Variants in NRXN3 observed in about 807,000 individuals in gnomAD.
The protein encoded by NRXN3 is neurexin III.
Under a neutral mutation model 137.6 loss-of-function variants are expected in NRXN3, and 32 were observed. That is an observed-to-expected ratio of 0.23 (90% CI 0.18 to 0.31). NRXN3 has a LOEUF of 0.31. Among genes scored for constraint, NRXN3 ranks in the 10% least tolerant of loss-of-function variants. The pLI, the probability that NRXN3 is intolerant of heterozygous loss-of-function variation, is 1.00. For missense variants in NRXN3, 1,574 were observed against 2,062.5 expected, an observed-to-expected ratio of 0.76 and a Z score of 4.59; for synonymous variants, 798 against 784.5, an observed-to-expected ratio of 1.02 and a Z score of -0.29.
intron 16 of NRXN3, among the ~76,000 whole-genome samples, chr14:79,663,183 G>A (rs2098542366): frequency 6.6e-6 from 1 of 151,892 alleles, no homozygotes; most frequent in Non-Finnish European, 1.5e-5. Context: ...GGCCTCTACT[G>A]GGGTTACCTT....
chr14:78,406,374 G>A (rs1408792325), intron 4 of NRXN3, among the ~76,000 whole-genome samples: 2 of 152,166 alleles, frequency 1.3e-5, no homozygotes, highest in Non-Finnish European at 2.9e-5. Flanking sequence ...GGATGACTGC[G>A]GGAGTTTCAG....
At chr14:79,525,986 A>G (rs573539053) in intron 16 of NRXN3, among the ~76,000 whole-genome samples, 6 of 152,242 alleles carry the variant, frequency 3.9e-5, no homozygotes, top group Non-Finnish European at 7.4e-5. Flanking sequence ...GGCTCAAGGG[A>G]TCCTCTCAAC....
intron 4 of NRXN3, among the ~76,000 whole-genome samples, chr14:78,451,889 A>G (rs918154116): frequency 1.1e-4 from 16 of 152,174 alleles, no homozygotes; most frequent in African/African-American, 3.9e-4. Flanking sequence ...TCAAGTGGAC[A>G]TTTTTCTCAA....
chr14:78,573,871 A>G (rs533734724), intron 4 of NRXN3, among the ~76,000 whole-genome samples: 4 of 152,210 alleles, frequency 2.6e-5, no homozygotes, highest in Non-Finnish European at 5.9e-5. Flanking sequence ...AGTGGGGAAA[A>G]CGTATCCAAG....
chr14:79,540,791 A>C (rs1287528540), intron 16 of NRXN3, among the ~76,000 whole-genome samples: 1 of 152,210 alleles, frequency 6.6e-6, no homozygotes, highest in Non-Finnish European at 1.5e-5. Flanking sequence ...GGAGAAAAAA[A>C]CATTTCTGGC....
At chr14:78,745,350 G>T in intron 8 of NRXN3, 1 of 152,462 alleles carries the variant, frequency 6.6e-6, no homozygotes, top group Non-Finnish European at 1.5e-5. Context: ...CATCAAAGTT[G>T]ACTTCAGTGA....
At chr14:79,124,374 A>G (rs2056029425) in intron 15 of NRXN3, among the ~76,000 whole-genome samples, 1 of 152,192 alleles carries the variant, frequency 6.6e-6, no homozygotes, top group South Asian at 2.1e-4. Context: ...AGAGCAGGTC[A>G]TGGTCCTTAA....
intron 16 of NRXN3, among the ~76,000 whole-genome samples, chr14:79,591,155 G>A (rs143785781): frequency 6.6e-6 from 1 of 152,146 alleles, no homozygotes; most frequent in Non-Finnish European, 1.5e-5. Flanking sequence ...AATGGCTTTG[G>A]GCAACATTTA....
At chr14:78,943,107 G>C (rs2099356307) in intron 10 of NRXN3, among the ~76,000 whole-genome samples, 1 of 152,104 alleles carries the variant, frequency 6.6e-6, no homozygotes, top group African/African-American at 2.4e-5. Flanking sequence ...AGCAACACAT[G>C]TGTAGAGAAG....
chr14:79,200,668 G>A (rs2065849116), intron 15 of NRXN3, among the ~76,000 whole-genome samples: 1 of 152,090 alleles, frequency 6.6e-6, no homozygotes, highest in Non-Finnish European at 1.5e-5. Context: ...AACAGGTGGT[G>A]AAACAAATTG....
chr14:78,674,282 T>C (rs1450355602), intron 6 of NRXN3, among the ~76,000 whole-genome samples: 1 of 152,152 alleles, frequency 6.6e-6, no homozygotes, highest in Non-Finnish European at 1.5e-5. Flanking sequence ...AGGCAAGGTG[T>C]TTTTGGTGTC....
intron 3 of NRXN3, chr14:78,282,101 C>T (rs1156993927): frequency 2.0e-6 from 1 of 494,656 alleles, no homozygotes; most frequent in East Asian, 5.7e-5. Context: ...GGGAAAGGAC[C>T]TATCCAAGGC....
intron 4 of NRXN3, among the ~76,000 whole-genome samples, chr14:78,590,199 G>A (rs1322890528): frequency 6.6e-6 from 1 of 152,144 alleles, no homozygotes; most frequent in Non-Finnish European, 1.5e-5. Context: ...TCTCTACAAG[G>A]ATTCATGCAG....
At chr14:79,498,930 A>T (rs2096792898) in intron 16 of NRXN3, among the ~76,000 whole-genome samples, 1 of 152,178 alleles carries the variant, frequency 6.6e-6, no homozygotes, top group Non-Finnish European at 1.5e-5. Context: ...GACTACAGGC[A>T]CACACCATTA....
Position 79,686,158 on chromosome 14 carries a change from C to A in NRXN3, c.3617-6015C>A, listed in dbSNP as rs1040205827. Among the ~76,000 whole-genome samples, 6 of 151,892 alleles carry A rather than the reference C, an allele frequency of 4.0e-5. No individual in the cohort carries two copies. In the East Asian group the frequency reaches 1.2e-3, roughly 29 times the overall value. Reference sequence around the variant, plus strand: ...AATTAGCTGGGCATGATGGTGCATGCCCATAGTCCCAGCTACTCGGGAGGC... The same window carrying A: ...AATTAGCTGGGCATGATGGTGCATGACCATAGTCCCAGCTACTCGGGAGGC... On this transcript the variant is annotated intron_variant, in intron 17 of 20. Coordinates refer to ENST00000335750, the MANE Select transcript of NRXN3 (RefSeq NM_001330195.2).
intron 4 of NRXN3, among the ~76,000 whole-genome samples, chr14:78,619,844 T>C (rs573431138): frequency 2.6e-5 from 4 of 152,094 alleles, no homozygotes; most frequent in Admixed American, 6.6e-5. Flanking sequence ...AATGGACTAA[T>C]ATAATGCCCT....
At chr14:78,975,488 T>C (rs1017203765) in intron 14 of NRXN3, among the ~76,000 whole-genome samples, 1 of 152,192 alleles carries the variant, frequency 6.6e-6, no homozygotes, top group African/African-American at 2.4e-5. Context: ...TGACAGACTT[T>C]TCCTGTAAGG....
intron 15 of NRXN3, among the ~76,000 whole-genome samples, chr14:79,171,614 T>C (rs533764013): frequency 6.6e-6 from 1 of 152,288 alleles, no homozygotes; most frequent in East Asian, 1.9e-4. Flanking sequence ...TTGTCTTAAA[T>C]GTAGACAGTG....
At chr14:78,766,141 A>G (rs1473052569) in intron 8 of NRXN3, among the ~76,000 whole-genome samples, 1 of 152,200 alleles carries the variant, frequency 6.6e-6, no homozygotes, top group Admixed American at 6.5e-5. Context: ...ATCTTAATAT[A>G]TAAAGGTTTA....
Sources: gnomAD v4.1 joint callset for allele counts (sites outside exome capture counted in the v4.1 genomes callset) on GRCh38, gnomAD v4.1.1 for gene constraint, MANE v1.5 for transcripts, NCBI Gene and HGNC (gene_info 2026-07-23, HGNC 2026-07-21) for gene names.